The following SDK1 variants were observed in gnomAD, a reference collection of about 807,000 sequenced individuals.
SDK1 encodes sidekick cell adhesion molecule 1, also known as protein sidekick-1.
Under a neutral mutation model 245.5 loss-of-function variants are expected in SDK1, and 157 were observed. The observed-to-expected ratio is 0.64, with a 90% confidence interval of 0.56 to 0.73. The LOEUF is 0.73. SDK1 is among the 30% of genes least tolerant of loss of function. The pLI is 0.00. For synonymous variants in SDK1, 1,647 were observed against 1,278.5 expected, an observed-to-expected ratio of 1.29 and a Z score of -6.15; for missense variants, 3,583 against 3,002.3, an observed-to-expected ratio of 1.19 and a Z score of -4.52.
At chr7:3,712,641 G>A (rs1378822356) in intron 4 of SDK1, among the ~76,000 whole-genome samples, 1 of 152,164 alleles carries the variant, frequency 6.6e-6, no homozygotes, top group Admixed American at 6.5e-5. Context: ...TTTAAAGATG[G>A]ATAGGACATT....
intron 1 of SDK1, among the ~76,000 whole-genome samples, chr7:3,535,532 C>G (rs1280670404): frequency 6.6e-6 from 1 of 152,116 alleles, no homozygotes; most frequent in African/African-American, 2.4e-5. Context: ...GTAGTGTGAC[C>G]TTATGCAGGC....
chr7:3,515,264 G>A (rs890050362), intron 1 of SDK1, among the ~76,000 whole-genome samples: 2 of 152,130 alleles, frequency 1.3e-5, no homozygotes, highest in African/African-American at 4.8e-5. Context: ...GGAGGAAAGA[G>A]TTCTGTATTT....
At chr7:3,952,958 G>A (rs1451948950) in intron 7 of SDK1, among the ~76,000 whole-genome samples, 1 of 152,050 alleles carries the variant, frequency 6.6e-6, no homozygotes, top group South Asian at 2.1e-4. Flanking sequence ...TTCATAAGTG[G>A]CCGTGATGAC....
At chr7:4,036,557 T>C (rs1788234666) in intron 17 of SDK1, among the ~76,000 whole-genome samples, 1 of 152,200 alleles carries the variant, frequency 6.6e-6, no homozygotes, top group Admixed American at 6.5e-5. Context: ...AATCCATACA[T>C]TTTACACGTA....
At position 3,677,903 on chromosome 7, in the gene SDK1, C is replaced by T. The variant is rs532344067; in HGVS notation, c.713+35798C>T. 2.0e-5 allele frequency among the ~76,000 whole-genome samples: 3 copies of T among 152,128 alleles called. No individual in the cohort carries two copies. In the South Asian group the frequency reaches 6.2e-4, roughly 32 times the overall value. On this transcript the variant is annotated intron_variant, in intron 4 of 44. Coordinates refer to ENST00000404826, the MANE Select transcript of SDK1 (RefSeq NM_152744.4). ...AAACTCCATAGAATCTGATCAGAGG[C>T]TGATGTCCAGAATGTGTAAAGAACC...
intron 1 of SDK1, among the ~76,000 whole-genome samples, chr7:3,604,603 T>TTTTC (rs1781360747): frequency 5.5e-5 from 2 of 36,304 alleles, no homozygotes; most frequent in Non-Finnish European, 6.2e-5. Flanking sequence ...TTTTCTTTTC[T>TTTTC]TTTTTTTTTT....
chr7:3,989,622 C>A (rs1017717227), intron 14 of SDK1, among the ~76,000 whole-genome samples: 1 of 152,158 alleles, frequency 6.6e-6, no homozygotes, highest in Non-Finnish European at 1.5e-5. Flanking sequence ...GAGTGGTGCA[C>A]TCTCGGGTAC....
At chr7:3,785,737 C>G (rs531906359) in intron 4 of SDK1, among the ~76,000 whole-genome samples, 3 of 152,134 alleles carry the variant, frequency 2.0e-5, no homozygotes, top group Non-Finnish European at 4.4e-5. Flanking sequence ...GATTATAAGA[C>G]TTCTGAGCTC....
At chr7:3,376,541 T>G (rs10281401) in intron 1 of SDK1, among the ~76,000 whole-genome samples, 1 of 151,938 alleles carries the variant, frequency 6.6e-6, no homozygotes, top group East Asian at 1.9e-4. Context: ...CCAAGAAATA[T>G]AATTTAGAAC....
chr7:3,645,165 A>G (rs1350587685), intron 4 of SDK1, among the ~76,000 whole-genome samples: 1 of 152,234 alleles, frequency 6.6e-6, no homozygotes, highest in South Asian at 2.1e-4. Flanking sequence ...TAAACTTGCA[A>G]ATACATGCTA....
At chr7:3,808,510 T>A (rs7792942) in intron 4 of SDK1, among the ~76,000 whole-genome samples, 15,479 of 152,184 alleles carry the variant, frequency 0.1, 1,202 homozygotes, top group African/African-American at 0.22. Context: ...GTGTAAATAA[T>A]GCAAGGCCTC....
At chr7:4,009,550 T>C (rs956845392) in intron 14 of SDK1, among the ~76,000 whole-genome samples, 28 of 152,236 alleles carry the variant, frequency 1.8e-4, no homozygotes, top group African/African-American at 6.8e-4. Flanking sequence ...GGGATCCTCA[T>C]CAGCTGCCCA....
chr7:3,879,263 G>A (rs991571206), intron 5 of SDK1, among the ~76,000 whole-genome samples: 2 of 152,186 alleles, frequency 1.3e-5, no homozygotes, highest in African/African-American at 4.8e-5. Flanking sequence ...CACCACTGTG[G>A]CCTAAAACCA....
In SDK1 at chr7:3,883,430, C is replaced by T. The variant is rs550799521; in HGVS notation, c.847+61847C>T. Among the ~76,000 whole-genome samples, 9 of 152,288 alleles carry T rather than the reference C, an allele frequency of 5.9e-5. No homozygotes were observed. In the East Asian group the frequency reaches 1.5e-3, roughly 26 times the overall value. ...TGAGCCTGTCTGCCGCACATGAATC[C>T]AGCTGTGTGTGTGCACATGCAGGTG... is the stretch of plus-strand genomic sequence containing the variant. On this transcript the variant is annotated intron_variant, in intron 5 of 44. Transcript: ENST00000404826.
chr7:3,945,885 C>G (rs1157103016), intron 5 of SDK1, among the ~76,000 whole-genome samples: 1 of 88,204 alleles, frequency 1.1e-5, no homozygotes, highest in Non-Finnish European at 2.0e-5. Flanking sequence ...GGCAACAGAG[C>G]AAGACTCTGT....
intron 5 of SDK1, among the ~76,000 whole-genome samples, chr7:3,894,799 A>G (rs1488387591): frequency 6.6e-6 from 1 of 150,852 alleles, no homozygotes; most frequent in Admixed American, 6.6e-5. Flanking sequence ...CCCAAGTTTA[A>G]GCGATTTGTA....
At chr7:3,693,856 G>A (rs551639895) in intron 4 of SDK1, among the ~76,000 whole-genome samples, 15 of 152,066 alleles carry the variant, frequency 9.9e-5, no homozygotes, top group Admixed American at 1.3e-4. Flanking sequence ...CCTGGTCCCC[G>A]CAGCCATCTC....
At chr7:3,886,893 G>A (rs899991117) in intron 5 of SDK1, among the ~76,000 whole-genome samples, 6 of 152,164 alleles carry the variant, frequency 3.9e-5, no homozygotes, top group African/African-American at 1.2e-4. Flanking sequence ...ACCAACCTGG[G>A]CAAGAGAATG....
intron 4 of SDK1, among the ~76,000 whole-genome samples, chr7:3,801,118 G>C (rs750272034): frequency 6.6e-5 from 10 of 152,056 alleles, no homozygotes; most frequent in Admixed American, 6.5e-5. Flanking sequence ...TTTGAGCAAG[G>C]GAAGACATAG....
Sources: gnomAD v4.1 joint callset for allele counts (sites outside exome capture counted in the v4.1 genomes callset) on GRCh38, gnomAD v4.1.1 for gene constraint, MANE v1.5 for transcripts, NCBI Gene and HGNC (gene_info 2026-07-23, HGNC 2026-07-21) for gene names.